ADAMTSL1: variants seen among roughly 807,000 people sequenced by gnomAD.
ADAMTSL1 encodes the protein ADAMTS-like protein 1.
Under a neutral mutation model 201.8 loss-of-function variants are expected in ADAMTSL1, and 126 were observed. The observed-to-expected ratio is 0.62, with a 90% CI of 0.54 to 0.72. The LOEUF (loss-of-function observed/expected upper bound fraction) is 0.72, where lower values mean the gene tolerates loss of function less well. Among genes scored for constraint, ADAMTSL1 ranks in the 30% least tolerant of loss-of-function variants. The probability of loss-of-function intolerance (pLI) is 0.00; values close to 1 mark genes in which losing one functional copy is unlikely to be tolerated. For synonymous variants in ADAMTSL1, 1,121 were observed against 903.4 expected (o/e 1.24, Z -4.32); for missense variants, 2,679 against 2,277.8 (o/e 1.18, Z -3.59).
intron 4 of ADAMTSL1, among the ~76,000 whole-genome samples, chr9:18,610,614 A>T (rs1825309145): frequency 6.6e-6 from 1 of 152,212 alleles, no homozygotes; most frequent in Non-Finnish European, 1.5e-5. Context: ...CTGTCAAAGA[A>T]GTTTCAAATT....
At chr9:18,754,913 T>C (rs1315329260) in intron 16 of ADAMTSL1, among the ~76,000 whole-genome samples, 2 of 152,192 alleles carry the variant, frequency 1.3e-5, no homozygotes, top group Non-Finnish European at 2.9e-5. Flanking sequence ...GAAATGTATA[T>C]TATCGCTCAC....
At chr9:18,225,860 G>C (rs1293912878) in intron 2 of ADAMTSL1, among the ~76,000 whole-genome samples, 1 of 151,980 alleles carries the variant, frequency 6.6e-6, no homozygotes, top group Non-Finnish European at 1.5e-5. Flanking sequence ...CTTGCCTGAG[G>C]TGTGTATTAA....
chr9:17,927,427 T>TATATGTACATATATACATATACATGTAC lies in ADAMTSL1; in HGVS notation c.87+20506_87+20507insTATGTACATATATACATATACATGTACA, dbSNP rs1563900313. ...ACATATGTATGTGTATATACATGTA[T>TATATGTACATATATACATATACATGTAC]ACATATATGTACATATATACATATA... On this transcript the variant is annotated intron_variant, in intron 1 of 29. Coordinates refer to the ADAMTSL1 transcript ENST00000680146. Among the ~76,000 whole-genome samples the TATATGTACATATATACATATACATGTAC allele has an allele frequency of 2.9e-3, 445 of 151,996 alleles. 2 individuals carry two copies. Among genetic ancestry groups the TATATGTACATATATACATATACATGTAC allele is most frequent in the African/African-American group, 3.3e-3 (137 of 41,488 alleles).
intron 3 of ADAMTSL1, among the ~76,000 whole-genome samples, chr9:18,534,094 G>A (rs1349344122): frequency 1.3e-5 from 2 of 152,136 alleles, no homozygotes; most frequent in Admixed American, 6.5e-5. Context: ...AAAAAGATTC[G>A]AATGTTAGTC....
intron 1 of ADAMTSL1, among the ~76,000 whole-genome samples, chr9:17,993,454 C>T (rs927068825): frequency 2.4e-5 from 2 of 85,104 alleles, no homozygotes; most frequent in East Asian, 2.1e-4. Context: ...AAGAGCCTGT[C>T]GTAGTTTACA....
chr9:18,807,645 CA>C (rs1179713904), intron 20 of ADAMTSL1, among the ~76,000 whole-genome samples: 27 of 68,598 alleles, frequency 3.9e-4, no homozygotes, highest in East Asian at 9.3e-4. Flanking sequence ...GACTCTGTCT[CA>C]AAAAAAAAAA....
intron 20 of ADAMTSL1, among the ~76,000 whole-genome samples, chr9:18,807,534 A>C (rs1823222727): frequency 6.6e-6 from 1 of 151,480 alleles, no homozygotes; most frequent in Non-Finnish European, 1.5e-5. Flanking sequence ...AGTCCCAGCT[A>C]GTCGGGAGCC....
rs538645865 is a variant in ADAMTSL1, at chr9:18,023,627, C to G, written c.87+116705C>G. On this transcript the variant is annotated intron_variant, in intron 1 of 29. Transcript: ENST00000680146. ...CTTTGGGATTTTTATCTGTTGGGTG[C>G]GAATGGAGTAATATTATAACATTTC... is the stretch of plus-strand genomic sequence containing the variant. 3.9e-5 allele frequency among the ~76,000 whole-genome samples: 6 copies of G among 152,156 alleles called. No individual in the cohort carries two copies. In the South Asian group the frequency reaches 8.3e-4, roughly 21 times the overall value.
chr9:18,179,662 C>T (rs1484501104), intron 2 of ADAMTSL1, among the ~76,000 whole-genome samples: 1 of 152,184 alleles, frequency 6.6e-6, no homozygotes, highest in Non-Finnish European at 1.5e-5. Flanking sequence ...GCCCATCAGA[C>T]TAACAGCGGA....
Position 18,776,870 on chromosome 9 carries a change from T to C in ADAMTSL1, c.2641T>C (p.Phe881Leu), listed in dbSNP as rs1047574864. The C allele has an allele frequency of 3.1e-6, 5 of 1,610,980 alleles. No individual in the cohort carries two copies. In the African/African-American group the frequency reaches 6.7e-5, roughly 22 times the overall value. ...GACTCGCAGGCAGAGGAAGCTGCAC[T>C]TCGTGGTGGGGGGCTTCGCCTACCT... ...IQTRRQRKLH[F>L]VVGGFAYLLP... Residue 881 changes from phenylalanine to leucine, a missense_variant, in exon 19 of 29, where the codon TTC (phenylalanine) becomes CTC (leucine). Transcript: ENST00000380548.
At chr9:18,586,199 C>A (rs774602670) in intron 4 of ADAMTSL1, among the ~76,000 whole-genome samples, 5 of 152,130 alleles carry the variant, frequency 3.3e-5, no homozygotes, top group Admixed American at 6.5e-5. Flanking sequence ...CACATGGGCT[C>A]AACCCAAAAG....
chr9:18,777,325 C>A lies in ADAMTSL1; in HGVS notation c.3096C>A (p.Gly1032=), dbSNP rs1369642419. 4 of 1,600,126 alleles carry A rather than the reference C, an allele frequency of 2.5e-6. No homozygotes were observed. Among genetic ancestry groups the A allele is most frequent in the Non-Finnish European group, 3.4e-6 (4 of 1,173,608 alleles). ...DDLVSRLLEQ[G]GWPGELLASW... ...TCGTCTCCCGGCTGCTGGAGCAGGG[C>A]GGCTGGCCCGGAGAGCTGCTGGCCT... is the stretch of plus-strand genomic sequence containing the variant. Residue 1032 remains glycine (G), a synonymous_variant, in exon 19 of 29, where the codon GGC becomes GGA. Transcript: ENST00000380548.
intron 5 of ADAMTSL1, among the ~76,000 whole-genome samples, chr9:18,622,884 TTTTGTTTTTG>T (rs1175706912): frequency 1.7e-4 from 26 of 152,142 alleles, no homozygotes; most frequent in Non-Finnish European, 2.2e-4. Flanking sequence ...AGTTTTGGTG[TTTTGTTTTTG>T]TTTGTTTTTG....
intron 2 of ADAMTSL1, among the ~76,000 whole-genome samples, chr9:18,308,499 A>G (rs992141466): frequency 1.3e-5 from 2 of 152,162 alleles, no homozygotes; most frequent in African/African-American, 4.8e-5. Context: ...AAAATGATAA[A>G]GAGGATATCA....
At chr9:17,947,158 A>G (rs535258224) in intron 1 of ADAMTSL1, among the ~76,000 whole-genome samples, 3 of 150,980 alleles carry the variant, frequency 2.0e-5, no homozygotes, top group East Asian at 3.9e-4. Context: ...AGTTAACTAT[A>G]TATACATATA....
chr9:18,893,670 A>G (rs1187853969), intron 26 of ADAMTSL1, among the ~76,000 whole-genome samples: 1 of 152,198 alleles, frequency 6.6e-6, no homozygotes, highest in Non-Finnish European at 1.5e-5. Flanking sequence ...GCAGACAAAT[A>G]CTTCATCTCA....
At chr9:18,108,810 T>A (rs1408351468) in intron 1 of ADAMTSL1, among the ~76,000 whole-genome samples, 3 of 152,140 alleles carry the variant, frequency 2.0e-5, no homozygotes, top group Admixed American at 2.0e-4. Flanking sequence ...TAATTATTTA[T>A]CTATTTTAAG....
At chr9:18,252,215 T>A (rs1831491469) in intron 2 of ADAMTSL1, among the ~76,000 whole-genome samples, 1 of 152,134 alleles carries the variant, frequency 6.6e-6, no homozygotes, top group Non-Finnish European at 1.5e-5. Flanking sequence ...TCTATAATTA[T>A]TTTTTAAAGA....
chr9:18,760,584 T>C (rs1038310763), intron 16 of ADAMTSL1, among the ~76,000 whole-genome samples: 4 of 152,232 alleles, frequency 2.6e-5, no homozygotes, highest in African/African-American at 9.6e-5. Flanking sequence ...CTATGCTGCC[T>C]GAGTCATTTT....
Sources: gnomAD v4.1 joint callset for allele counts (sites outside exome capture counted in the v4.1 genomes callset) on GRCh38, gnomAD v4.1.1 for gene constraint, MANE v1.5 for transcripts, NCBI Gene and HGNC (gene_info 2026-07-23, HGNC 2026-07-21) for gene names.